The following ZDHHC2 variants were observed in gnomAD, a reference collection of about 807,000 sequenced individuals.
ZDHHC2 encodes the protein zDHHC palmitoyltransferase 2.
ZDHHC2 carries 51 observed loss-of-function variants against 55.6 expected under a neutral mutation model. The ratio of observed to expected loss-of-function variants is 0.92; its 90% CI spans 0.73 to 1.16. ZDHHC2 has a LOEUF of 1.16. Among genes scored for constraint, ZDHHC2 ranks in the 50% most tolerant of loss-of-function variants. ZDHHC2 has a pLI of 0.00. For missense variants in ZDHHC2, 491 were observed against 442.4 expected (o/e 1.11, Z -0.99); for synonymous variants, 199 against 152.9 (o/e 1.30, Z -2.22).
chr8:17,215,998 C>G (rs1807628403), intron 11 of ZDHHC2, among the ~76,000 whole-genome samples: 1 of 152,108 alleles, frequency 6.6e-6, no homozygotes, highest in Non-Finnish European at 1.5e-5. Flanking sequence ...TAGCTTTGTT[C>G]TTTTCAAAAG....
At chr8:17,174,824 C>T (rs762707290) in intron 1 of ZDHHC2, among the ~76,000 whole-genome samples, 1 of 151,094 alleles carries the variant, frequency 6.6e-6, no homozygotes, top group Non-Finnish European at 1.5e-5. Context: ...GATCCTCCCA[C>T]CTCAGCCTCC....
intron 7 of ZDHHC2, among the ~76,000 whole-genome samples, chr8:17,207,069 A>G (rs557664254): frequency 2.6e-5 from 4 of 152,308 alleles, no homozygotes; most frequent in African/African-American, 9.6e-5. Context: ...GTTTCAAACC[A>G]CAAACATATA....
chr8:17,167,692 G>C (rs1310928325), intron 1 of ZDHHC2, among the ~76,000 whole-genome samples: 1 of 152,084 alleles, frequency 6.6e-6, no homozygotes, highest in Non-Finnish European at 1.5e-5. Context: ...GAATTTAGAT[G>C]ATAAAGTTAA....
chr8:17,156,513 T>G lies in ZDHHC2; in HGVS notation c.-211T>G, dbSNP rs1804051401. On this transcript the variant is annotated 5_prime_UTR_variant, in exon 1 of 13. Transcript: ENST00000262096. The stretch of plus-strand genomic sequence containing the variant: ...TCGGCCTCCGCTCGCAGCCGCCGCC[T>G]CCGCCTCCGCCGGGCTGAGGAGCCG... 1 of 187,580 alleles carries G rather than the reference T, an allele frequency of 5.3e-6. No individual in the cohort carries two copies. The highest frequency in any genetic ancestry group is 1.6e-4 in the South Asian group (1 of 6,166). The allele number at this position is 187,580 out of a possible 1,614,324, so 11.6% of individuals were successfully genotyped here.
At chr8:17,199,663 CCTCCCTCCTT>C (rs1157289558) in intron 6 of ZDHHC2, among the ~76,000 whole-genome samples, 24 of 147,110 alleles carry the variant, frequency 1.6e-4, no homozygotes, top group South Asian at 4.4e-4. Context: ...CCTCCTCCCT[CCTCCCTCCTT>C]CTTCTTCTTC....
At chr8:17,207,262 G>T (rs896915402) in intron 7 of ZDHHC2, among the ~76,000 whole-genome samples, 5 of 152,164 alleles carry the variant, frequency 3.3e-5, no homozygotes, top group African/African-American at 2.4e-5. Flanking sequence ...ATAGCCCCAA[G>T]CCCTCCATTC....
At chr8:17,214,158 A>G (rs1310619775) in intron 10 of ZDHHC2, among the ~76,000 whole-genome samples, 1 of 152,198 alleles carries the variant, frequency 6.6e-6, no homozygotes, top group East Asian at 1.9e-4. Context: ...AATAGTTTCT[A>G]TGCCAATAAT....
intron 12 of ZDHHC2, 148 bp downstream of exon 12, chr8:17,217,394 C>T: frequency 1.7e-6 from 1 of 599,062 alleles, no homozygotes; most frequent in South Asian, 2.1e-5. Flanking sequence ...ATTAGCCATG[C>T]TGGGGCTTCT....
rs766484948 is a variant in ZDHHC2 at position 17,217,157 on chromosome 8, T to G, written c.1064-15T>G. ...AAAAGCAACCAAAAATGCTAACTTA[T>G]GTGCTTTCATTAAGGTATGAGCAAT... On this transcript the variant is annotated splice_polypyrimidine_tract_variant and intron_variant, in intron 11 of 12. Transcript: ENST00000262096. 1.9e-6 allele frequency: 3 copies of G among 1,609,534 alleles called. No individual in the cohort carries two copies. Among genetic ancestry groups the G allele is most frequent in the East Asian group, 2.2e-5 (1 of 44,728 alleles).
intron 1 of ZDHHC2, among the ~76,000 whole-genome samples, chr8:17,173,672 A>G (rs1804978376): frequency 1.6e-5 from 2 of 121,486 alleles, no homozygotes; most frequent in Middle Eastern, 7.6e-3. Context: ...ACGGAAAAAG[A>G]CCCTGTCTTA....
At chr8:17,199,083 T>C (rs997459392) in intron 6 of ZDHHC2, among the ~76,000 whole-genome samples, 1 of 152,202 alleles carries the variant, frequency 6.6e-6, no homozygotes. Context: ...GCGTGAGTAA[T>C]GCTTATTCTT....
At chr8:17,167,883 C>G (rs1167449880) in intron 1 of ZDHHC2, among the ~76,000 whole-genome samples, 1 of 151,436 alleles carries the variant, frequency 6.6e-6, no homozygotes, top group Non-Finnish European at 1.5e-5. Flanking sequence ...GGAAACACTC[C>G]AACAGCATTG....
rs1376699892 is a variant in ZDHHC2, at chr8:17,222,385, C to T, written c.*2164C>T. 6.6e-6 allele frequency: 1 copy of T among 151,624 alleles called. No homozygotes were observed. The highest frequency in any genetic ancestry group is 2.4e-5 in the African/African-American group (1 of 41,362). 9.4% of individuals were successfully genotyped at this position (151,624 alleles called of 1,614,324 possible). Reference sequence around the variant, plus strand: ...TAAATAAATAGATCTACATTTTGTACATATTTATATAAAATTTACCTTTAA... The same window carrying T: ...TAAATAAATAGATCTACATTTTGTATATATTTATATAAAATTTACCTTTAA... On this transcript the variant is annotated 3_prime_UTR_variant, in exon 13 of 13. Transcript: ENST00000262096.
Position 17,156,863 on chromosome 8 carries a change from CCCCCCGCCGCGGCG to C in ZDHHC2, c.130+16_130+29del. On this transcript the variant is annotated intron_variant, in intron 1 of 12. Transcript: ENST00000262096. The stretch of plus-strand genomic sequence containing the variant: ...ATCCAGCTGTGCATAGGTGAGTGCG[CCCCCCGCCGCGGCG>C]CCCCCAGCGCAGCGCAGCCCACCCC... The C allele has an allele frequency of 6.7e-7, 1 of 1,487,974 alleles. No individual in the cohort carries two copies. The highest frequency in any genetic ancestry group is 2.3e-5 in the Admixed American group (1 of 44,050). The allele number at this position is 1,487,974 out of a possible 1,614,324, so 92.2% of individuals were successfully genotyped here.
chr8:17,196,016 A>G (rs1303263076), intron 4 of ZDHHC2, among the ~76,000 whole-genome samples: 1 of 152,086 alleles, frequency 6.6e-6, no homozygotes, highest in Non-Finnish European at 1.5e-5. Context: ...TTTTACATGT[A>G]TTTTTTCGTA....
intron 2 of ZDHHC2, among the ~76,000 whole-genome samples, chr8:17,185,974 A>G (rs1361427451): frequency 2.0e-5 from 3 of 152,078 alleles, no homozygotes; most frequent in African/African-American, 7.2e-5. Flanking sequence ...TGAGTGTTTT[A>G]ACACTTGTTT....
intron 1 of ZDHHC2, among the ~76,000 whole-genome samples, chr8:17,178,216 A>G (rs895311817): frequency 3.9e-5 from 6 of 152,222 alleles, no homozygotes; most frequent in Non-Finnish European, 7.4e-5. Context: ...CATTTAGGAC[A>G]GTAACACTTT....
chr8:17,177,979 T>C (rs1486563559), intron 1 of ZDHHC2, among the ~76,000 whole-genome samples: 1 of 152,198 alleles, frequency 6.6e-6, no homozygotes, highest in African/African-American at 2.4e-5. Flanking sequence ...CACAGCAATA[T>C]ACATTTGCAA....
intron 1 of ZDHHC2, among the ~76,000 whole-genome samples, chr8:17,178,494 A>G (rs1173106177): frequency 1.3e-5 from 2 of 152,150 alleles, no homozygotes; most frequent in East Asian, 3.8e-4. Flanking sequence ...CTAAACAGTA[A>G]ATATTTTAGG....
Sources: allele counts gnomAD v4.1 joint callset (sites outside exome capture counted in the v4.1 genomes callset), GRCh38; gene constraint gnomAD v4.1.1; transcripts MANE v1.5; gene names NCBI Gene and HGNC (gene_info 2026-07-23, HGNC 2026-07-21).